PALMD: variants seen among roughly 807,000 people sequenced by gnomAD.
PALMD encodes palmdelphin, also known as paralemmin-like protein.
PALMD carries 42 observed loss-of-function variants against 56.2 expected under a neutral mutation model. The ratio of observed to expected loss-of-function variants is 0.75; its 90% CI spans 0.58 to 0.97. The LOEUF (loss-of-function observed/expected upper bound fraction) is 0.97, where lower values mean the gene tolerates loss of function less well. Ranked by LOEUF, PALMD falls within the 50% of genes least tolerant of loss-of-function variation. PALMD has a pLI of 0.00. For missense variants in PALMD, 660 were observed against 643.8 expected, an observed-to-expected ratio of 1.03 and a Z score of -0.27; for synonymous variants, 242 against 222.9, an observed-to-expected ratio of 1.09 and a Z score of -0.76.
At chr1:99,650,836 T>C (rs1271131358) in intron 1 of PALMD, among the ~76,000 whole-genome samples, 7 of 152,224 alleles carry the variant, frequency 4.6e-5, no homozygotes, top group Non-Finnish European at 7.3e-5. Flanking sequence ...TTTTTCCTTA[T>C]TCGTTCTATC....
chr1:99,652,696 A>AAAAGG (rs1223870987), intron 1 of PALMD, among the ~76,000 whole-genome samples: 2 of 84,878 alleles, frequency 2.4e-5, no homozygotes, highest in African/African-American at 9.1e-5. Context: ...AAAGGAAAGG[A>AAAAGG]AAAGAAAAGA....
chr1:99,646,294 G>A lies in PALMD; in HGVS notation c.-24G>A, dbSNP rs369664376. 149 of 1,609,514 alleles carry A rather than the reference G, an allele frequency of 9.3e-5. No homozygotes were observed. The African/African-American group carries it at 1.1e-3, about 12-fold the overall frequency. ...ATGGTAGCTTTGGACTTGCTTCCCC[G>A]TCTGACTGTCCTTGACTTCTAGAAT... On this transcript the variant is annotated 5_prime_UTR_variant, in exon 1 of 8. Transcript: ENST00000263174.
chr1:99,655,954 ACACACACACACACG>A (rs1652716054), intron 1 of PALMD, among the ~76,000 whole-genome samples: 1 of 123,850 alleles, frequency 8.1e-6, no homozygotes, highest in African/African-American at 2.9e-5. Context: ...ACACATGCAC[ACACACACACACACG>A]CATGCACTTT....
chr1:99,648,611 A>C (rs975153105), intron 1 of PALMD, among the ~76,000 whole-genome samples: 5 of 152,140 alleles, frequency 3.3e-5, no homozygotes, highest in African/African-American at 1.2e-4. Flanking sequence ...ATCAGAAGGC[A>C]ATTCCCCAAT....
chr1:99,674,079 A>G (rs1244267476), intron 3 of PALMD, among the ~76,000 whole-genome samples: 1 of 152,178 alleles, frequency 6.6e-6, no homozygotes, highest in Non-Finnish European at 1.5e-5. Flanking sequence ...GGTTTTTTAA[A>G]CAATTATCAA....
intron 3 of PALMD, among the ~76,000 whole-genome samples, chr1:99,680,326 C>A (rs1399533941): frequency 6.6e-6 from 1 of 152,076 alleles, no homozygotes; most frequent in African/African-American, 2.4e-5. Context: ...ACCCAGGGAG[C>A]TCTTGAAAAT....
At chr1:99,679,952 A>G (rs563648033) in intron 3 of PALMD, among the ~76,000 whole-genome samples, 118 of 152,320 alleles carry the variant, frequency 7.7e-4, no homozygotes, top group Non-Finnish European at 1.3e-3. Flanking sequence ...GAAATATGCA[A>G]TATGTGTTAA....
At chr1:99,667,023 G>C (rs935062373) in intron 2 of PALMD, among the ~76,000 whole-genome samples, 2 of 152,190 alleles carry the variant, frequency 1.3e-5, no homozygotes, top group Non-Finnish European at 2.9e-5. Flanking sequence ...GGGAGATTCT[G>C]AGAAGAAAGA....
chr1:99,686,416 G>A (rs548610624), intron 3 of PALMD: 80 of 241,260 alleles, frequency 3.3e-4, no homozygotes, highest in African/African-American at 1.7e-3. Flanking sequence ...AGAACATGGA[G>A]CAAAGGTCAA....
intron 3 of PALMD, among the ~76,000 whole-genome samples, chr1:99,672,024 A>G (rs914271158): frequency 1.3e-5 from 2 of 152,138 alleles, no homozygotes; most frequent in Non-Finnish European, 1.5e-5. Context: ...CTATGCTACA[A>G]TTTCACTTTT....
intron 7 of PALMD, among the ~76,000 whole-genome samples, chr1:99,690,848 A>G (rs1162969185): frequency 2.0e-5 from 3 of 152,172 alleles, no homozygotes. Flanking sequence ...TAACTTCACA[A>G]GTCAAACTTG....
At chr1:99,673,167 AG>A (rs1176610889) in intron 3 of PALMD, among the ~76,000 whole-genome samples, 1 of 152,232 alleles carries the variant, frequency 6.6e-6, no homozygotes, top group East Asian at 1.9e-4. Context: ...AAAAGAGAGC[AG>A]GCAAAATTCA....
intron 1 of PALMD, among the ~76,000 whole-genome samples, chr1:99,653,758 T>A (rs1419787799): frequency 6.6e-6 from 1 of 152,106 alleles, no homozygotes; most frequent in Admixed American, 6.5e-5. Context: ...CCTTTTCCAT[T>A]TGAGAACAGC....
intron 3 of PALMD, among the ~76,000 whole-genome samples, chr1:99,677,255 A>T (rs1004224323): frequency 2.6e-5 from 4 of 152,092 alleles, no homozygotes; most frequent in African/African-American, 9.7e-5. Flanking sequence ...AATGAAAAAA[A>T]TTATGAAAAA....
chr1:99,687,902 A>T (rs972978214), intron 6 of PALMD, among the ~76,000 whole-genome samples: 3 of 150,882 alleles, frequency 2.0e-5, no homozygotes, highest in Admixed American at 6.6e-5. Flanking sequence ...GCCAAGAACC[A>T]CCAGGCTATA....
At position 99,691,959 on chromosome 1, in the gene PALMD, CAA is replaced by C. The variant is rs545366983; in HGVS notation, c.1613-2057_1613-2056del. 2.0e-4 allele frequency among the ~76,000 whole-genome samples: 30 copies of C among 152,214 alleles called. 1 individual carries two copies. The South Asian group carries it at 6.2e-3, about 32-fold the overall frequency. The stretch of plus-strand genomic sequence containing the variant: ...TGGAAAAAGGTGGACCCTGGAGATT[CAA>C]AAGACAAGATTTTTTTAGTCAAAAT... On this transcript the variant is annotated intron_variant, in intron 7 of 7. Transcript: ENST00000263174.
chr1:99,684,198 A>G (rs1327345008), intron 3 of PALMD: 1 of 152,210 alleles, frequency 6.6e-6, no homozygotes, highest in African/African-American at 2.4e-5. Context: ...GACCAAATCT[A>G]GCCCTGGCCT....
At chr1:99,673,194 CA>C (rs1399983495) in intron 3 of PALMD, among the ~76,000 whole-genome samples, 1 of 152,022 alleles carries the variant, frequency 6.6e-6, no homozygotes, top group Non-Finnish European at 1.5e-5. Flanking sequence ...AAAGAGAACC[CA>C]AAACATTGAT....
rs770641692 is a variant in PALMD at position 99,694,022 on chromosome 1, T to C, written c.1616T>C (p.Leu539Ser). 2.6e-5 allele frequency: 42 copies of C among 1,601,766 alleles called. No individual in the cohort carries two copies. The East Asian group carries it at 3.8e-4, about 15-fold the overall frequency. The change falls in exon 8 of 8, where the codon TTA becomes TCA. Residue 539 changes from leucine to serine, a missense_variant. Transcript: ENST00000263174. ...TTTTTTTTTCTTTAATTTGCAGCTT[T>C]AAGGATGAGAATGGCAAAGCTGGGA... ...DGTEDPSLTA[L>S]RMRMAKLGKK... is the part of the protein sequence containing the mutation.
Sources: gnomAD v4.1 joint callset for allele counts (sites outside exome capture counted in the v4.1 genomes callset) on GRCh38, gnomAD v4.1.1 for gene constraint, MANE v1.5 for transcripts, NCBI Gene and HGNC (gene_info 2026-07-23, HGNC 2026-07-21) for gene names.